Variants in LMNTD1 observed in about 807,000 individuals in gnomAD.
The protein encoded by LMNTD1 is lamin tail domain containing 1, also known as lamin tail domain-containing protein 1.
In LMNTD1, 35 loss-of-function variants were observed where a neutral mutation model predicts 50.9. That is an observed-to-expected ratio of 0.69 (90% CI 0.53 to 0.91). LMNTD1 has a LOEUF of 0.91. Ranked by LOEUF, LMNTD1 falls within the 40% of genes least tolerant of loss-of-function variation. LMNTD1 has a pLI of 0.00. For synonymous variants in LMNTD1, 153 were observed against 161.9 expected (o/e 0.94, Z 0.42); for missense variants, 470 against 475.5 (o/e 0.99, Z 0.11).
At chr12:25,606,154 G>A (rs1361214123) in intron 1 of LMNTD1, among the ~76,000 whole-genome samples, 1 of 152,166 alleles carries the variant, frequency 6.6e-6, no homozygotes, top group African/African-American at 2.4e-5. Flanking sequence ...TGGTGTATAA[G>A]AATGCTTCTG....
intron 1 of LMNTD1, among the ~76,000 whole-genome samples, chr12:25,584,350 C>T (rs1945435608): frequency 6.6e-6 from 1 of 152,180 alleles, no homozygotes; most frequent in South Asian, 2.1e-4. Flanking sequence ...CAAGCTTGGC[C>T]TTGAGCACTG....
intron 3 of LMNTD1, among the ~76,000 whole-genome samples, chr12:25,548,970 T>G (rs1943593284): frequency 6.6e-6 from 1 of 152,046 alleles, no homozygotes; most frequent in South Asian, 2.1e-4. Flanking sequence ...TTCTGGTATT[T>G]AATCCTTCTG....
chr12:25,476,348 G>A lies in LMNTD1; in HGVS notation c.*135C>T, dbSNP rs950507335. 1 of 152,142 alleles carries A rather than the reference G, an allele frequency of 6.6e-6. No homozygotes were observed. The highest frequency in any genetic ancestry group is 1.5e-5 in the Non-Finnish European group (1 of 68,030). 9.4% of individuals were successfully genotyped at this position (152,142 alleles called of 1,614,324 possible). On this transcript the variant is annotated 3_prime_UTR_variant, in exon 10 of 10. Coordinates refer to ENST00000458174, the MANE Select transcript of LMNTD1 (RefSeq NM_001145728.2). ...AAATTTTGGATCCTTTTTCCATATA[G>A]AAATGTGATGTCTTCACCCTCTCAT...
At chr12:25,565,449 A>G (rs779876630) in intron 1 of LMNTD1, among the ~76,000 whole-genome samples, 4 of 152,190 alleles carry the variant, frequency 2.6e-5, no homozygotes, top group Non-Finnish European at 5.9e-5. Context: ...TAAACAACCT[A>G]ACAAGCAAAA....
chr12:25,644,703 G>A (rs1207010429), intron 1 of LMNTD1, among the ~76,000 whole-genome samples: 1 of 152,128 alleles, frequency 6.6e-6, no homozygotes, highest in Non-Finnish European at 1.5e-5. Flanking sequence ...TGTGGAGAAA[G>A]CCATAGATGC....
intron 4 of LMNTD1, among the ~76,000 whole-genome samples, chr12:25,539,372 A>G (rs1193645054): frequency 8.5e-5 from 13 of 152,126 alleles, no homozygotes; most frequent in Non-Finnish European, 1.5e-4. Flanking sequence ...ATGACAAACT[A>G]TCTCTCAGAC....
chr12:25,594,666 A>C (rs1205147396), intron 1 of LMNTD1, among the ~76,000 whole-genome samples: 3 of 151,038 alleles, frequency 2.0e-5, no homozygotes, highest in South Asian at 2.1e-4. Context: ...AAAAAAAAAA[A>C]AAAAAAAAAA....
intron 1 of LMNTD1, among the ~76,000 whole-genome samples, chr12:25,643,272 G>A (rs981717700): frequency 6.6e-6 from 1 of 152,156 alleles, no homozygotes; most frequent in African/African-American, 2.4e-5. Context: ...AATCCTGCAT[G>A]ACAAGAAGGA....
At chr12:25,488,013 G>C (rs1938721746) in intron 9 of LMNTD1, among the ~76,000 whole-genome samples, 1 of 149,036 alleles carries the variant, frequency 6.7e-6, no homozygotes, top group South Asian at 2.2e-4. Flanking sequence ...CTGTTAGTCT[G>C]ATGGGCTTCC....
At chr12:25,614,290 T>C (rs1322394427) in intron 1 of LMNTD1, among the ~76,000 whole-genome samples, 1 of 152,066 alleles carries the variant, frequency 6.6e-6, no homozygotes, top group Non-Finnish European at 1.5e-5. Context: ...TACTCTTGCC[T>C]CCACCAGCCC....
At chr12:25,575,589 A>T (rs1944973839) in intron 1 of LMNTD1, among the ~76,000 whole-genome samples, 2 of 152,220 alleles carry the variant, frequency 1.3e-5, no homozygotes, top group Admixed American at 1.3e-4. Flanking sequence ...TCAATGGGGA[A>T]GATATAAAAT....
intron 6 of LMNTD1, 98 bp from the exon 7 acceptor site, chr12:25,520,173 T>G (rs192329548): frequency 0.015 from 3,389 of 220,750 alleles, 388 homozygotes; most frequent in African/African-American, 0.071. Context: ...TATATATATA[T>G]ATAGTAAAAT....
chr12:25,493,448 C>T (rs998672102), intron 9 of LMNTD1, among the ~76,000 whole-genome samples: 2 of 152,122 alleles, frequency 1.3e-5, no homozygotes, highest in Non-Finnish European at 2.9e-5. Context: ...ATCTGTAGAA[C>T]CAATTGTTGC....
At chr12:25,544,104 C>T (rs1585782) in intron 4 of LMNTD1, among the ~76,000 whole-genome samples, 101,974 of 151,674 alleles carry the variant, frequency 0.67, 34,629 homozygotes, top group Admixed American at 0.73. Context: ...TAATGTGCAA[C>T]TTAACTCTGA....
rs376707066 is a variant in LMNTD1, at chr12:25,527,681, T to TAC, written c.492-728_492-727dup. On this transcript the variant is annotated intron_variant, in intron 4 of 9. Coordinates refer to ENST00000458174, the MANE Select transcript of LMNTD1 (RefSeq NM_001145728.2). Reference sequence around the variant, plus strand: ...ATATATATATATATATATATATATATACACACACACACACACACACACACA... The same window carrying TAC: ...ATATATATATATATATATATATATATACACACACACACACACACACACACACA... Among the ~76,000 whole-genome samples the TAC allele has an allele frequency of 8.9e-3, 287 of 32,280 alleles. 2 individuals carry two copies. The highest frequency in any genetic ancestry group is 0.027 in the African/African-American group (234 of 8,522). The allele number at this position is 32,280 out of a possible 152,430, so 21.2% of individuals were successfully genotyped here.
intron 1 of LMNTD1, among the ~76,000 whole-genome samples, chr12:25,576,847 C>A (rs896293861): frequency 1.8e-4 from 27 of 152,118 alleles, no homozygotes; most frequent in Non-Finnish European, 3.5e-4. Context: ...AGTCTTTAAT[C>A]CATCTTGAAT....
At chr12:25,612,328 A>ACACACACACACACACG (rs34069424) in intron 1 of LMNTD1, among the ~76,000 whole-genome samples, 1 of 146,418 alleles carries the variant, frequency 6.8e-6, no homozygotes, top group African/African-American at 2.5e-5. Context: ...ACACACACAC[A>ACACACACACACACACG]CGCGCTCCCA....
intron 1 of LMNTD1, among the ~76,000 whole-genome samples, chr12:25,626,561 A>C (rs1487948734): frequency 1.3e-5 from 2 of 152,282 alleles, no homozygotes; most frequent in South Asian, 2.1e-4. Flanking sequence ...TAATATACCT[A>C]GTGATTCTTT....
At chr12:25,488,488 T>A (rs1189962281) in intron 9 of LMNTD1, among the ~76,000 whole-genome samples, 8 of 146,868 alleles carry the variant, frequency 5.4e-5, no homozygotes, top group Non-Finnish European at 1.0e-4. Flanking sequence ...CTCCGTCAGC[T>A]CCTTTAAGCA....
Sources: allele counts gnomAD v4.1 joint callset (sites outside exome capture counted in the v4.1 genomes callset), GRCh38; gene constraint gnomAD v4.1.1; transcripts MANE v1.5; gene names NCBI Gene and HGNC (gene_info 2026-07-23, HGNC 2026-07-21).